The following CES4A variants were observed in gnomAD, a reference collection of about 807,000 sequenced individuals.
The protein encoded by CES4A is carboxylesterase 4A.
Under a neutral mutation model 65.4 loss-of-function variants are expected in CES4A, and 48 were observed. That is an observed-to-expected ratio of 0.73 (90% CI 0.58 to 0.93). The LOEUF (loss-of-function observed/expected upper bound fraction) is 0.93, where lower values mean the gene tolerates loss of function less well. Ranked by LOEUF, CES4A falls within the 40% of genes least tolerant of loss-of-function variation. The pLI is 0.00. For synonymous variants in CES4A, 247 were observed against 281.8 expected (o/e 0.88, Z 1.24); for missense variants, 685 against 728.5 (o/e 0.94, Z 0.69).
intron 1 of CES4A, among the ~76,000 whole-genome samples, chr16:66,989,661 C>T (rs1417532633): frequency 6.6e-6 from 1 of 151,970 alleles, no homozygotes; most frequent in East Asian, 1.9e-4. Context: ...AGTTTGAGAC[C>T]AGCCTAACCA....
In CES4A at chr16:67,000,528, C is replaced by T; in HGVS notation, c.261-110C>T. The T allele has an allele frequency of 3.4e-6, 5 of 1,459,660 alleles. No homozygotes were observed. The highest frequency in any genetic ancestry group is 4.5e-6 in the Non-Finnish European group (5 of 1,102,738). The allele number at this position is 1,459,660 out of a possible 1,614,324, so 90.4% of individuals were successfully genotyped here. The stretch of plus-strand genomic sequence containing the variant: ...ACACGCACGCACATGCGCACGCACA[C>T]GCACGCGCACAGACGCTGCCTGGAT... On this transcript the variant is annotated intron_variant, in intron 2 of 13. Transcript: ENST00000648724. The surrounding 1 kb of genome is among the most constrained non-coding windows in gnomAD (Gnocchi z 4.2).
chr16:66,999,570 G>A (rs1031830786), intron 2 of CES4A, among the ~76,000 whole-genome samples: 1 of 152,212 alleles, frequency 6.6e-6, no homozygotes, highest in African/African-American at 2.4e-5. Flanking sequence ...GGGAGGCCGA[G>A]GTGGGCAGAT....
Position 67,005,397 on chromosome 16 carries a change from T to G in CES4A, c.1315+4T>G. 6.2e-7 allele frequency: 1 copy of G among 1,613,370 alleles called. No homozygotes were observed. Among genetic ancestry groups the G allele is most frequent in the Non-Finnish European group, 8.5e-7 (1 of 1,179,732 alleles). On this transcript the variant is annotated splice_donor_region_variant and intron_variant, in intron 11 of 13. Coordinates refer to ENST00000648724, the Ensembl canonical transcript of CES4A. ...CAGACTGCTCACTACCACCGAGGTATGCAGGGTCCCCAAGAGTGGCCACAC... is the reference window on the plus strand; with the variant it reads ...CAGACTGCTCACTACCACCGAGGTAGGCAGGGTCCCCAAGAGTGGCCACAC...
intron 1 of CES4A, 65 bp from the exon 2 acceptor site, chr16:66,995,563 G>A (rs1184804694): frequency 1.4e-6 from 2 of 1,425,768 alleles, no homozygotes; most frequent in Non-Finnish European, 2.0e-6. Context: ...CTGAGTGGCT[G>A]AGCCAGGGTC....
chr16:67,009,260 A>G, exon 14 of CES4A: 1 of 1,023,252 alleles, frequency 9.8e-7, no homozygotes, highest in Non-Finnish European at 1.4e-6. Flanking sequence ...TTAGAACTGC[A>G]GGAGCTCCCT....
chr16:67,003,335 A>C lies in CES4A; in HGVS notation c.875A>C (p.Lys292Thr), dbSNP rs1161335584. ...TGCCTGAGGGCACTATCAGGGACCA[A>C]GGTGATGCGTGTGTCCAACAAGATG... Residue 292 changes from lysine (K) to threonine (T), a missense_variant, in exon 7 of 14, where the codon AAG (lysine) becomes ACG (threonine). Transcript: ENST00000648724. The surrounding 1 kb of genome is among the most constrained non-coding windows in gnomAD (Gnocchi z 4.2). The C allele has an allele frequency of 6.2e-7, 1 of 1,614,092 alleles. No individual in the cohort carries two copies. Among genetic ancestry groups the C allele is most frequent in the Non-Finnish European group, 8.5e-7 (1 of 1,179,996 alleles).
At chr16:66,996,274 A>G (rs1964844408) in intron 2 of CES4A, 22 of 331,832 alleles carry the variant, frequency 6.6e-5, no homozygotes, top group South Asian at 5.1e-4. Flanking sequence ...TGACCTCGTG[A>G]TCCACATGCC....
intron 1 of CES4A, 69 bp from the exon 2 acceptor site, chr16:66,995,559 G>A: frequency 1.5e-6 from 2 of 1,374,496 alleles, no homozygotes; most frequent in South Asian, 1.2e-5. Flanking sequence ...GTGGCTGAGT[G>A]GCTGAGCCAG....
chr16:66,995,561 C>A, intron 1 of CES4A, 67 bp from the exon 2 acceptor site: 1 of 1,408,720 alleles, frequency 7.1e-7, no homozygotes, highest in Non-Finnish European at 1.0e-6. Context: ...GGCTGAGTGG[C>A]TGAGCCAGGG....
At position 67,000,093 on chromosome 16, in the gene CES4A, ATTTG is replaced by A. The variant is rs1330038578; in HGVS notation, c.261-537_261-534del. On this transcript the variant is annotated intron_variant, in intron 2 of 13. Transcript: ENST00000648724. The surrounding 1 kb of genome is among the most constrained non-coding windows in gnomAD (Gnocchi z 4.2). Reference sequence around the variant, plus strand: ...GGAGAGCCAGGGAAGATTTTTGTTGATTTGTTTGTTTTTATTGATATATCATAGT... The same window carrying A: ...GGAGAGCCAGGGAAGATTTTTGTTGATTTGTTTTTATTGATATATCATAGT... 6.6e-6 allele frequency among the ~76,000 whole-genome samples: 1 copy of A among 152,008 alleles called. No homozygotes were observed. Among genetic ancestry groups the A allele is most frequent in the South Asian group, 2.1e-4 (1 of 4,822 alleles).
intron 2 of CES4A, among the ~76,000 whole-genome samples, chr16:66,997,998 C>CAG (rs1491010143): frequency 1.5e-5 from 2 of 135,940 alleles, no homozygotes; most frequent in African/African-American, 5.4e-5. Context: ...CACACACACA[C>CAG]AGTTCCTTTT....
chr16:66,999,476 A>T (rs575163214), intron 2 of CES4A, among the ~76,000 whole-genome samples: 1 of 152,342 alleles, frequency 6.6e-6, no homozygotes, highest in South Asian at 2.1e-4. Context: ...AAAAACAGCC[A>T]ACTGAAATAA....
At chr16:67,004,333 T>C (rs1008658426) in intron 9 of CES4A, 109 bp downstream of exon 9, 2 of 1,240,726 alleles carry the variant, frequency 1.6e-6, no homozygotes, top group Admixed American at 1.9e-5. Context: ...CAGATGCCAG[T>C]AGCCCCTCTG....
chr16:66,995,716 A>T (rs190027245), exon 2 of CES4A: 2 of 1,614,122 alleles, frequency 1.2e-6, no homozygotes, highest in Non-Finnish European at 1.7e-6. Context: ...CACCCATCCA[A>T]GTCTTTTTAG....
At position 66,995,700 on chromosome 16, in the gene CES4A, G is replaced by A. The variant is rs144460906; in HGVS notation, c.131G>A (p.Gly44Glu). 3.5e-4 allele frequency: 562 copies of A among 1,614,212 alleles called. 2 individuals carry two copies. The highest frequency in any genetic ancestry group is 1.2e-3 in the Middle Eastern group (7 of 6,062). The change falls in exon 2 of 14, where the codon GGG becomes GAG. Residue 44 changes from glycine to glutamate, a missense_variant. By Grantham distance (98) the Gly-to-Glu change is moderately conservative (BLOSUM62 -2). Transcript: ENST00000648724. ...CTGCAAGGAAAACAGATGCATGTGG[G>A]GAAGACACCCATCCAAGTCTTTTTA...
At chr16:66,996,119 C>T (rs1344954097) in intron 2 of CES4A, 1 of 512,086 alleles carries the variant, frequency 2.0e-6, no homozygotes, top group East Asian at 5.0e-5. Context: ...CTCACTGCAA[C>T]CTCCGCCTCC....
intron 13 of CES4A, 187 bp from the exon 14 acceptor site, chr16:67,008,786 TG>T: frequency 1.6e-6 from 1 of 615,638 alleles, no homozygotes. Context: ...TGGCACATAC[TG>T]TTTGCTCTGC....
chr16:66,994,683 T>C (rs1365591850), intron 1 of CES4A, among the ~76,000 whole-genome samples: 1 of 150,292 alleles, frequency 6.7e-6, no homozygotes, highest in Non-Finnish European at 1.5e-5. Flanking sequence ...CTACTAAAAA[T>C]ACAAAATTAG....
In CES4A at chr16:67,003,429, A is replaced by AC; in HGVS notation, c.900+74dup. 6.3e-7 allele frequency: 1 copy of AC among 1,585,152 alleles called. No individual in the cohort carries two copies. Among genetic ancestry groups the AC allele is most frequent in the Non-Finnish European group, 8.7e-7 (1 of 1,154,182 alleles). ...CATCCTCCTATCCTGGTACCCAGCC[A>AC]CCCCCAACTACTTCCCCAGGGACCC... On this transcript the variant is annotated intron_variant, in intron 7 of 13. Transcript: ENST00000648724. The surrounding 1 kb of genome is among the most constrained non-coding windows in gnomAD (Gnocchi z 4.2).
Sources: gnomAD v4.1 joint callset for allele counts (sites outside exome capture counted in the v4.1 genomes callset) on GRCh38, gnomAD v4.1.1 for gene constraint, Gnocchi (gnomAD v3.1) non-coding constraint, MANE v1.5 for transcripts, NCBI Gene and HGNC (gene_info 2026-07-23, HGNC 2026-07-21) for gene names.